Variants in TLK1 observed in about 807,000 individuals in gnomAD.
TLK1 encodes the protein serine/threonine-protein kinase tousled-like 1.
TLK1 carries 24 observed loss-of-function variants against 105.3 expected under a neutral mutation model. The observed-to-expected ratio is 0.23, with a 90% CI of 0.17 to 0.32. The LOEUF is 0.32. Among genes scored for constraint, TLK1 ranks in the 10% least tolerant of loss-of-function variants. The pLI is 1.00. For missense variants in TLK1, 558 were observed against 910.5 expected, an observed-to-expected ratio of 0.61 and a Z score of 4.98; for synonymous variants, 321 against 310.4, an observed-to-expected ratio of 1.03 and a Z score of -0.36.
chr2:171,103,263 T>TA (rs1491144444), intron 2 of TLK1, among the ~76,000 whole-genome samples: 17 of 143,360 alleles, frequency 1.2e-4, no homozygotes, highest in Non-Finnish European at 1.6e-4. Context: ...TGATCTCAAA[T>TA]TTATATATAT....
In TLK1 at chr2:171,138,186, T is replaced by C. The variant is rs554906223; in HGVS notation, c.140-20329A>G. ...AAGATAACTAAAATGTTTGCTTATATCAAGAAGTTTTAGACAGTGTTCTAA... is the reference window on the plus strand; with the variant it reads ...AAGATAACTAAAATGTTTGCTTATACCAAGAAGTTTTAGACAGTGTTCTAA... On this transcript the variant is annotated intron_variant, in intron 1 of 20. Coordinates refer to ENST00000431350, the MANE Select transcript of TLK1 (RefSeq NM_012290.5). 1.7e-4 allele frequency among the ~76,000 whole-genome samples: 26 copies of C among 152,328 alleles called. No individual in the cohort carries two copies. The South Asian group carries it at 5.2e-3, about 30-fold the overall frequency.
chr2:171,030,475 G>C (rs986608316), intron 11 of TLK1, among the ~76,000 whole-genome samples: 15 of 152,122 alleles, frequency 9.9e-5, no homozygotes, highest in Non-Finnish European at 2.2e-4. Flanking sequence ...GATGAAGTGA[G>C]AGAGGGAGGA....
At chr2:171,063,175 G>A (rs1687835125) in intron 3 of TLK1, among the ~76,000 whole-genome samples, 1 of 151,954 alleles carries the variant, frequency 6.6e-6, no homozygotes, top group Admixed American at 6.6e-5. Flanking sequence ...GTGAAACCCT[G>A]ACTCTACTAA....
chr2:171,197,157 G>A (rs915416879), intron 1 of TLK1, among the ~76,000 whole-genome samples: 1 of 151,994 alleles, frequency 6.6e-6, no homozygotes, highest in Non-Finnish European at 1.5e-5. Flanking sequence ...TTTGTGTTAT[G>A]GTCTAATGGT....
At chr2:171,139,269 C>A (rs1321091991) in intron 1 of TLK1, among the ~76,000 whole-genome samples, 1 of 150,498 alleles carries the variant, frequency 6.6e-6, no homozygotes, top group Non-Finnish European at 1.5e-5. Flanking sequence ...ACTTAACTTA[C>A]ATTGGTACTA....
At chr2:171,167,930 A>G (rs570349438) in intron 1 of TLK1, among the ~76,000 whole-genome samples, 1 of 152,210 alleles carries the variant, frequency 6.6e-6, no homozygotes, top group African/African-American at 2.4e-5. Context: ...TTAACAAAGC[A>G]GGCAACTTTG....
intron 1 of TLK1, among the ~76,000 whole-genome samples, chr2:171,135,088 G>T (rs1362016759): frequency 6.6e-6 from 1 of 152,050 alleles, no homozygotes; most frequent in Non-Finnish European, 1.5e-5. Context: ...GAGAAATGAG[G>T]AAATGTTGGT....
chr2:171,030,531 T>C (rs1361316467), intron 11 of TLK1, among the ~76,000 whole-genome samples: 1 of 152,112 alleles, frequency 6.6e-6, no homozygotes, highest in Non-Finnish European at 1.5e-5. Context: ...AACTAAAATG[T>C]ATAATATCTC....
chr2:171,207,013 A>G (rs1331759155), intron 1 of TLK1, among the ~76,000 whole-genome samples: 1 of 152,100 alleles, frequency 6.6e-6, no homozygotes, highest in Non-Finnish European at 1.5e-5. Context: ...AATTAAACAT[A>G]CTCTTACCAT....
chr2:171,064,689 A>T (rs1687908357), intron 3 of TLK1, among the ~76,000 whole-genome samples: 1 of 152,228 alleles, frequency 6.6e-6, no homozygotes, highest in South Asian at 2.1e-4. Flanking sequence ...TAAAAGGCCA[A>T]AGAGCTCCAA....
At chr2:171,135,016 A>C (rs1038095523) in intron 1 of TLK1, among the ~76,000 whole-genome samples, 2 of 152,170 alleles carry the variant, frequency 1.3e-5, no homozygotes, top group African/African-American at 2.4e-5. Flanking sequence ...TCTCACTTAC[A>C]TGTGGAATCT....
intron 14 of TLK1, among the ~76,000 whole-genome samples, chr2:171,010,705 A>G (rs1238976206): frequency 6.6e-6 from 1 of 152,198 alleles, no homozygotes; most frequent in Non-Finnish European, 1.5e-5. Context: ...CATTTGAGAA[A>G]CGGACTTGAC....
intron 12 of TLK1, among the ~76,000 whole-genome samples, chr2:171,015,688 T>C (rs897344573): frequency 4.5e-3 from 19 of 4,260 alleles, no homozygotes; most frequent in African/African-American, 9.0e-3. Flanking sequence ...CATTCATTCA[T>C]ACACACACAC....
chr2:171,178,477 C>T (rs76614848), intron 1 of TLK1, among the ~76,000 whole-genome samples: 6,882 of 152,254 alleles, frequency 0.045, 453 homozygotes, highest in East Asian at 0.3. Context: ...CTCCATCTTC[C>T]CTCTTCATTG....
At chr2:171,058,114 T>C in intron 5 of TLK1, 37 bp downstream of exon 5, 1 of 1,608,500 alleles carries the variant, frequency 6.2e-7, no homozygotes, top group Non-Finnish European at 8.5e-7. Flanking sequence ...AGAATAGTAC[T>C]GAATTAGGAA....
Position 171,160,307 on chromosome 2 carries a change from G to A in TLK1, c.122C>T (p.Ser41Phe). 6.3e-7 allele frequency: 1 copy of A among 1,588,810 alleles called. No individual in the cohort carries two copies. Among genetic ancestry groups the A allele is most frequent in the Non-Finnish European group, 8.5e-7 (1 of 1,170,252 alleles). Residue 41 changes from serine (S) to phenylalanine (F), a missense_variant, in exon 1 of 21, where the codon TCC (serine) becomes TTC (phenylalanine). Ser to Phe is a radical substitution (Grantham distance 155). This residue lies in a region of TLK1 where 104 missense variants were observed against 116.0 expected (regional missense o/e 0.90). Transcript: ENST00000431350. The surrounding 1 kb of genome is among the most constrained non-coding windows in gnomAD (Gnocchi z 4.4). The part of the protein sequence containing the change: ...ARSLLNHTPP[S>F]GRPREGAMDE... ...GTGCTTACCTTCCCTGGGCCTCCCG[G>A]ATGGCGGCGTGTGATTCAGCAGGGA...
chr2:171,117,907 T>G, intron 1 of TLK1, 50 bp from the exon 2 acceptor site: 1 of 1,300,998 alleles, frequency 7.7e-7, no homozygotes, highest in Non-Finnish European at 1.1e-6. Context: ...TGTGTATACT[T>G]TATACTTACA....
chr2:171,187,077 A>AAG (rs1553487654), intron 1 of TLK1, among the ~76,000 whole-genome samples: 5 of 129,208 alleles, frequency 3.9e-5, no homozygotes, highest in Non-Finnish European at 6.1e-5. Flanking sequence ...AAAAAAAAAA[A>AAG]AAAAAAGAAA....
intron 3 of TLK1, among the ~76,000 whole-genome samples, chr2:171,063,738 TA>T (rs1687861981): frequency 6.6e-6 from 1 of 152,012 alleles, no homozygotes; most frequent in African/African-American, 2.4e-5. Flanking sequence ...TAAATGAGGG[TA>T]AAAAGGGGTG....
Sources: allele counts gnomAD v4.1 joint callset (sites outside exome capture counted in the v4.1 genomes callset), GRCh38; gene constraint gnomAD v4.1.1; regional missense constraint gnomAD v4.1.1; non-coding constraint Gnocchi (gnomAD v3.1); transcripts MANE v1.5; gene names NCBI Gene and HGNC (gene_info 2026-07-23, HGNC 2026-07-21).